The following NHSL1 variants were observed in gnomAD, a reference collection of about 807,000 sequenced individuals.
NHSL1 encodes the protein NHS like 1.
NHSL1 carries 48 observed loss-of-function variants against 95.0 expected under a neutral mutation model. The ratio of observed to expected loss-of-function variants is 0.51; its 90% CI spans 0.40 to 0.64. NHSL1 has a LOEUF of 0.64. Ranked by LOEUF, NHSL1 falls within the 30% of genes least tolerant of loss-of-function variation. The pLI, the probability that NHSL1 is intolerant of heterozygous loss-of-function variation, is 0.00. For synonymous variants in NHSL1, 783 were observed against 833.9 expected (o/e 0.94, Z 1.05); for missense variants, 1,971 against 2,077.7 (o/e 0.95, Z 1.00).
intron 1 of NHSL1, among the ~76,000 whole-genome samples, chr6:138,538,740 C>T (rs1392958458): frequency 3.9e-5 from 6 of 152,236 alleles, no homozygotes; most frequent in Non-Finnish European, 7.3e-5. Flanking sequence ...CTCTCAAATG[C>T]TGTCTTGCAA....
chr6:138,639,153 C>T (rs764952033), intron 1 of NHSL1, among the ~76,000 whole-genome samples: 1 of 152,072 alleles, frequency 6.6e-6, no homozygotes, highest in Non-Finnish European at 1.5e-5. Flanking sequence ...TTTTTAAGAG[C>T]CATCTGGAAG....
At chr6:138,506,329 T>C (rs992021428) in intron 1 of NHSL1, among the ~76,000 whole-genome samples, 4 of 152,214 alleles carry the variant, frequency 2.6e-5, no homozygotes, top group Non-Finnish European at 5.9e-5. Context: ...GTAATTCTTG[T>C]CTAGCAAAAT....
At chr6:138,682,335 T>G (rs1013637681) in intron 1 of NHSL1, among the ~76,000 whole-genome samples, 2 of 152,212 alleles carry the variant, frequency 1.3e-5, no homozygotes, top group Non-Finnish European at 2.9e-5. Context: ...GAGTTTAATT[T>G]TTAGATAAAA....
intron 1 of NHSL1, among the ~76,000 whole-genome samples, chr6:138,618,492 G>A (rs1784611171): frequency 6.6e-6 from 1 of 152,164 alleles, no homozygotes; most frequent in Admixed American, 6.5e-5. Flanking sequence ...TGAGAGCAAC[G>A]GTTTTTCTGA....
At chr6:138,558,421 CT>C (rs78914887) in intron 1 of NHSL1, among the ~76,000 whole-genome samples, 364 of 121,898 alleles carry the variant, frequency 3.0e-3, no homozygotes, top group Middle Eastern at 0.018. Context: ...TGTGCCCACC[CT>C]TTTTTTTTTT....
intron 3 of NHSL1, among the ~76,000 whole-genome samples, chr6:138,469,216 G>A (rs1778591484): frequency 6.6e-6 from 1 of 152,128 alleles, no homozygotes; most frequent in South Asian, 2.1e-4. Flanking sequence ...AATTACTGTT[G>A]AATAAATAAG....
chr6:138,439,578 C>T (rs868741974), intron 5 of NHSL1, among the ~76,000 whole-genome samples: 1 of 152,162 alleles, frequency 6.6e-6, no homozygotes, highest in Non-Finnish European at 1.5e-5. Flanking sequence ...AAACTGTATA[C>T]AAATGTTAAC....
chr6:138,453,210 G>A (rs1293873908), intron 3 of NHSL1, among the ~76,000 whole-genome samples: 3 of 151,972 alleles, frequency 2.0e-5, no homozygotes, highest in Non-Finnish European at 4.4e-5. Context: ...CTTGACCTCA[G>A]GTAATCCGCC....
intron 1 of NHSL1, among the ~76,000 whole-genome samples, chr6:138,540,555 A>G (rs547991287): frequency 1.3e-5 from 2 of 152,338 alleles, no homozygotes; most frequent in African/African-American, 4.8e-5. Flanking sequence ...AATCTAAGGA[A>G]TTCTTTTACA....
chr6:138,655,711 T>C (rs555689204), intron 1 of NHSL1, among the ~76,000 whole-genome samples: 1 of 152,312 alleles, frequency 6.6e-6, no homozygotes, highest in East Asian at 1.9e-4. Flanking sequence ...CAAAGCCACA[T>C]GAAGTACTAC....
intron 1 of NHSL1, among the ~76,000 whole-genome samples, chr6:138,628,265 T>C (rs1027221652): frequency 1.1e-4 from 17 of 150,700 alleles, no homozygotes; most frequent in African/African-American, 3.2e-4. Context: ...TGAGCTGAGG[T>C]CTGCCATTGC....
At chr6:138,468,386 T>G (rs899161147) in intron 3 of NHSL1, among the ~76,000 whole-genome samples, 1 of 152,202 alleles carries the variant, frequency 6.6e-6, no homozygotes, top group Admixed American at 6.5e-5. Flanking sequence ...CCCAAGGCCG[T>G]GCACTTGTAC....
chr6:138,435,425 C>T (rs996039255), intron 5 of NHSL1: 2 of 151,758 alleles, frequency 1.3e-5, no homozygotes, highest in Non-Finnish European at 2.9e-5. Flanking sequence ...AATGTGAAAC[C>T]ATTCTAGGCA....
intron 1 of NHSL1, among the ~76,000 whole-genome samples, chr6:138,541,733 G>T (rs763638974): frequency 3.3e-5 from 5 of 152,116 alleles, no homozygotes; most frequent in African/African-American, 1.2e-4. Flanking sequence ...GAAAGAAGCC[G>T]AATCGATTAA....
intron 1 of NHSL1, among the ~76,000 whole-genome samples, chr6:138,611,154 A>G (rs192850867): frequency 5.1e-4 from 77 of 152,124 alleles, no homozygotes; most frequent in African/African-American, 1.8e-3. Context: ...AAGAAAAAGG[A>G]GGCAGGGGCT....
At chr6:138,642,051 C>G (rs1466387454) in intron 1 of NHSL1, among the ~76,000 whole-genome samples, 1 of 151,628 alleles carries the variant, frequency 6.6e-6, no homozygotes, top group Non-Finnish European at 1.5e-5. Flanking sequence ...TAAACTTTCT[C>G]TTATAACCCA....
intron 1 of NHSL1, chr6:138,650,390 G>A: frequency 7.1e-7 from 1 of 1,414,166 alleles, no homozygotes; most frequent in Non-Finnish European, 9.9e-7. Flanking sequence ...CAGCCATGAG[G>A]TCGCCGACTA....
chr6:138,569,470 TCAGA>T (rs769801680), intron 1 of NHSL1, among the ~76,000 whole-genome samples: 1 of 152,160 alleles, frequency 6.6e-6, no homozygotes, highest in Non-Finnish European at 1.5e-5. Flanking sequence ...CACATTCCCA[TCAGA>T]CCAATGTGTC....
chr6:138,638,371 T>G (rs1784915757), intron 1 of NHSL1, among the ~76,000 whole-genome samples: 1 of 152,200 alleles, frequency 6.6e-6, no homozygotes, highest in Non-Finnish European at 1.5e-5. Context: ...GAATAAATGC[T>G]TGAGGAATGG....
Sources: allele counts gnomAD v4.1 joint callset (sites outside exome capture counted in the v4.1 genomes callset), GRCh38; gene constraint gnomAD v4.1.1; transcripts MANE v1.5; gene names NCBI Gene and HGNC (gene_info 2026-07-23, HGNC 2026-07-21).